The following CCDC7 variants were observed in gnomAD, a reference collection of about 807,000 sequenced individuals.
The protein encoded by CCDC7 is coiled-coil domain containing 7.
In CCDC7, 183 loss-of-function variants were observed where a neutral mutation model predicts 196.9. The ratio of observed to expected loss-of-function variants is 0.93; its 90% confidence interval spans 0.82 to 1.05. The LOEUF is 1.05. Among genes scored for constraint, CCDC7 ranks in the 50% least tolerant of loss-of-function variants. The probability of loss-of-function intolerance (pLI) is 0.00; values close to 1 mark genes in which losing one functional copy is unlikely to be tolerated. For synonymous variants in CCDC7, 525 were observed against 484.6 expected (o/e 1.08, Z -1.10); for missense variants, 1,540 against 1,482.2 (o/e 1.04, Z -0.64).
chr10:32,450,653 G>T (rs2032803097), upstream of CCDC7, among the ~76,000 whole-genome samples: 1 of 152,080 alleles, frequency 6.6e-6, no homozygotes. Flanking sequence ...AAAAGCCCAA[G>T]ACCTATCTAG....
intron 29 of CCDC7, among the ~76,000 whole-genome samples, chr10:32,799,795 C>CCA (rs1820926601): frequency 6.6e-6 from 1 of 152,166 alleles, no homozygotes; most frequent in African/African-American, 2.4e-5. Flanking sequence ...AGCATAATGT[C>CCA]ATCAATATAA....
intron 30 of CCDC7, among the ~76,000 whole-genome samples, chr10:32,810,604 A>G (rs561907777): frequency 6.6e-6 from 1 of 152,272 alleles, no homozygotes; most frequent in East Asian, 1.9e-4. Context: ...CATTAGACAG[A>G]TTGTCTAGAC....
intron 18 of CCDC7, among the ~76,000 whole-genome samples, chr10:32,603,198 A>G (rs924547320): frequency 1.3e-5 from 2 of 151,868 alleles, no homozygotes; most frequent in African/African-American, 2.4e-5. Context: ...GAATGAGAAC[A>G]TGCAATATTC....
At chr10:32,671,300 C>T (rs1184037517) in intron 21 of CCDC7, among the ~76,000 whole-genome samples, 2 of 152,056 alleles carry the variant, frequency 1.3e-5, no homozygotes, top group Non-Finnish European at 2.9e-5. Flanking sequence ...TCTAATTTTC[C>T]TGTTTAGATA....
chr10:32,640,876 C>CTTTTTTTTTTTTTTTTT (rs1193198487), intron 20 of CCDC7, among the ~76,000 whole-genome samples: 1 of 87,104 alleles, frequency 1.1e-5, no homozygotes, highest in Admixed American at 1.3e-4. Flanking sequence ...TTTTTTTTTT[C>CTTTTTTTTTTTTTTTTT]TTTTTTTTTT....
At chr10:32,473,915 T>C in intron 7 of CCDC7, 52 bp from the exon 9 acceptor site, 1 of 1,510,712 alleles carries the variant, frequency 6.6e-7, no homozygotes. Context: ...ACTCAATTAG[T>C]ATATATAATT....
chr10:32,511,261 C>CGG (rs371884255), intron 9 of CCDC7: 22,369 of 367,826 alleles, frequency 0.061, 614 homozygotes, highest in Admixed American at 0.067. Flanking sequence ...CTGTGGGGGG[C>CGG]GGGGGGGGCG....
chr10:32,509,926 A>C (rs1426389369), intron 9 of CCDC7, among the ~76,000 whole-genome samples: 1 of 152,224 alleles, frequency 6.6e-6, no homozygotes, highest in Non-Finnish European at 1.5e-5. Context: ...ACCCTTCAAC[A>C]CTACTGGTGG....
chr10:32,775,647 A>G (rs79561794), intron 28 of CCDC7, among the ~76,000 whole-genome samples: 4,277 of 152,280 alleles, frequency 0.028, 216 homozygotes, highest in African/African-American at 0.097. Flanking sequence ...TTCGAAGGAA[A>G]TATACCAGTG....
chr10:32,473,899 A>C, intron 7 of CCDC7, 68 bp from the exon 9 acceptor site: 1 of 1,390,290 alleles, frequency 7.2e-7, no homozygotes, highest in Non-Finnish European at 9.6e-7. Flanking sequence ...AAACAATAAA[A>C]TTTAAACTCA....
At chr10:32,453,514 A>G (rs1363415481) in intron 2 of CCDC7, 78 bp downstream of exon 3, 121 of 1,006,084 alleles carry the variant, frequency 1.2e-4, no homozygotes, top group Non-Finnish European at 1.6e-4. Flanking sequence ...TAAATTTAAA[A>G]TATTTTCTTT....
chr10:32,523,749 C>A (rs2048236870), intron 11 of CCDC7, among the ~76,000 whole-genome samples: 1 of 151,946 alleles, frequency 6.6e-6, no homozygotes, highest in South Asian at 2.1e-4. Context: ...TCTCTTCTTA[C>A]AGTTTTTGTG....
intron 29 of CCDC7, among the ~76,000 whole-genome samples, chr10:32,793,385 A>G (rs1234670533): frequency 6.6e-6 from 1 of 152,182 alleles, no homozygotes; most frequent in Admixed American, 6.5e-5. Flanking sequence ...AAAAATATAA[A>G]TTGAAGCCTT....
chr10:32,747,107 T>C (rs891172857), intron 28 of CCDC7, among the ~76,000 whole-genome samples: 14 of 152,170 alleles, frequency 9.2e-5, no homozygotes, highest in Admixed American at 8.5e-4. Context: ...CCTGCAAGCA[T>C]AGCAGGTGTT....
At chr10:32,726,936 G>A in intron 26 of CCDC7, 104 bp downstream of exon 27, 1 of 677,992 alleles carries the variant, frequency 1.5e-6, no homozygotes, top group East Asian at 3.1e-5. Context: ...TGTATTTTAT[G>A]GAAATCGTAG....
chr10:32,605,512 G>T (rs2990970), intron 18 of CCDC7, among the ~76,000 whole-genome samples: 38,198 of 152,150 alleles, frequency 0.25, 5,389 homozygotes, highest in South Asian at 0.44. Context: ...TGACGAAAAT[G>T]CTGATGGTGA....
chr10:32,861,115 C>CAAAAAAAAAAAAAAAA (rs142801821), intron 41 of CCDC7, among the ~76,000 whole-genome samples: 23 of 97,078 alleles, frequency 2.4e-4, no homozygotes, highest in South Asian at 4.1e-4. Context: ...CAATCATAAG[C>CAAAAAAAAAAAAAAAA]AAAAAAAAAA....
chr10:32,592,250 A>T (rs912800489), intron 18 of CCDC7, among the ~76,000 whole-genome samples: 1 of 151,962 alleles, frequency 6.6e-6, no homozygotes, highest in Admixed American at 6.6e-5. Context: ...TATTCAATCT[A>T]GCTAAATGTC....
intron 20 of CCDC7, among the ~76,000 whole-genome samples, chr10:32,661,804 T>C (rs1186165993): frequency 6.6e-6 from 1 of 152,098 alleles, no homozygotes; most frequent in Non-Finnish European, 1.5e-5. Flanking sequence ...AAGAAGAAGG[T>C]CTTTTTTGGA....
Sources: gnomAD v4.1 joint callset for allele counts (sites outside exome capture counted in the v4.1 genomes callset) on GRCh38, gnomAD v4.1.1 for gene constraint, MANE v1.5 for transcripts, NCBI Gene and HGNC (gene_info 2026-07-23, HGNC 2026-07-21) for gene names.